BANP: variants seen among roughly 807,000 people sequenced by gnomAD.
The protein encoded by BANP is BTG3 associated nuclear protein, also known as protein BANP.
In BANP, 11 loss-of-function variants were observed where a neutral mutation model predicts 68.1. The observed-to-expected ratio is 0.16, with a 90% CI of 0.10 to 0.27. BANP has a LOEUF of 0.27. Among genes scored for constraint, BANP ranks in the 10% least tolerant of loss-of-function variants. The probability of loss-of-function intolerance (pLI) is 1.00; values close to 1 mark genes in which losing one functional copy is unlikely to be tolerated. For synonymous variants in BANP, 329 were observed against 303.2 expected (o/e 1.09, Z -0.88); for missense variants, 504 against 722.7 (o/e 0.70, Z 3.47).
chr16:87,957,992 C>T lies in BANP; in HGVS notation c.-69+6477C>T, dbSNP rs1444949024. 1.3e-5 allele frequency among the ~76,000 whole-genome samples: 2 copies of T among 152,144 alleles called. No homozygotes were observed. Among genetic ancestry groups the T allele is most frequent in the African/African-American group, 2.4e-5 (1 of 41,416 alleles). On this transcript the variant is annotated intron_variant, in intron 1 of 13. Coordinates refer to ENST00000682872, the MANE Select transcript of BANP (RefSeq NM_001386991.1). The surrounding 1 kb of genome is among the most constrained non-coding windows in gnomAD (Gnocchi z 4.3). ...GTCTGCGTTTTCTGCCGAAATGCGT[C>T]CCTGAGATTGAGAAAGTTCACACCC...
In BANP at chr16:88,018,147, T is replaced by C. The variant is rs1335702172; in HGVS notation, c.656-281T>C. ...GGTCCCGGGTCCAGGGTGAGCAGAG[T>C]GTGTGACCGTGTTGGCGCTCAGGTC... On this transcript the variant is annotated intron_variant, in intron 6 of 13. Coordinates refer to ENST00000682872, the MANE Select transcript of BANP (RefSeq NM_001386991.1). The surrounding 1 kb of genome is among the most constrained non-coding windows in gnomAD (Gnocchi z 7.7). Among the ~76,000 whole-genome samples, 2 of 151,170 alleles carry C rather than the reference T, an allele frequency of 1.3e-5. No homozygotes were observed. The highest frequency in any genetic ancestry group is 6.6e-5 in the Admixed American group (1 of 15,172).
At position 87,981,129 on chromosome 16, in the gene BANP, T is replaced by TA; in HGVS notation, c.162+7dup. 6.2e-7 allele frequency: 1 copy of TA among 1,612,226 alleles called. No homozygotes were observed. Among genetic ancestry groups the TA allele is most frequent in the East Asian group, 2.2e-5 (1 of 44,882 alleles). On this transcript the variant is annotated splice_region_variant and intron_variant, in intron 3 of 13. Coordinates refer to ENST00000682872, the MANE Select transcript of BANP (RefSeq NM_001386991.1). ...AATTGCCAGGATCCATCTATAAAGG[T>TA]AAAAATCTGACTCTGTTCTGTGGTG...
At chr16:88,025,546 C>T (rs2076827847) in intron 7 of BANP, among the ~76,000 whole-genome samples, 3 of 152,228 alleles carry the variant, frequency 2.0e-5, no homozygotes, top group Admixed American at 2.0e-4. Flanking sequence ...TCCCTCTCAT[C>T]CTACAAATCC....
chr16:87,957,921 G>T lies in BANP; in HGVS notation c.-69+6406G>T, dbSNP rs1018239210. Among the ~76,000 whole-genome samples, 2 of 152,146 alleles carry T rather than the reference G, an allele frequency of 1.3e-5. No individual in the cohort carries two copies. Among genetic ancestry groups the T allele is most frequent in the Admixed American group, 6.5e-5 (1 of 15,284 alleles). On this transcript the variant is annotated intron_variant, in intron 1 of 13. Coordinates refer to ENST00000682872, the MANE Select transcript of BANP (RefSeq NM_001386991.1). This position sits in a 1 kb window ranked among gnomAD's most constrained non-coding sequence, Gnocchi z 4.3. The stretch of plus-strand genomic sequence containing the variant: ...CTCAAGTGAGCTCAGCTCTTGTGTC[G>T]GTGGGAGCTGGCGGTGGGTCCCTGA...
chr16:87,968,281 C>T (rs951517087), intron 1 of BANP, among the ~76,000 whole-genome samples: 3 of 151,306 alleles, frequency 2.0e-5, no homozygotes, highest in African/African-American at 4.9e-5. Flanking sequence ...GCCGGGAGTT[C>T]GAGACCAGCC....
rs954459845 is a variant in BANP, at chr16:88,037,823, T to G, written c.1273-150T>G. The G allele has an allele frequency of 1.0e-5, 7 of 692,516 alleles. No homozygotes were observed. In the African/African-American group the frequency reaches 1.1e-4, roughly 11 times the overall value. The allele number at this position is 692,516 out of a possible 1,614,324, so 42.9% of individuals were successfully genotyped here. ...AATGTCAATATTTTGTTTTGGGGCT[T>G]TTGTTGCTACTGGAGGTTGAATTTT... On this transcript the variant is annotated intron_variant, in intron 10 of 13. Transcript: ENST00000682872.
chr16:88,014,997 C>G (rs2074133436), intron 6 of BANP, among the ~76,000 whole-genome samples: 1 of 150,486 alleles, frequency 6.6e-6, no homozygotes, highest in African/African-American at 2.4e-5. Context: ...GCTGCTTGCC[C>G]TCTCTGCCCG....
rs1767127794 is a variant in BANP at position 87,957,861 on chromosome 16, G to A, written c.-69+6346G>A. 6.6e-6 allele frequency among the ~76,000 whole-genome samples: 1 copy of A among 152,092 alleles called. No homozygotes were observed. The highest frequency in any genetic ancestry group is 2.1e-4 in the South Asian group (1 of 4,822). On this transcript the variant is annotated intron_variant, in intron 1 of 13. Coordinates refer to ENST00000682872, the MANE Select transcript of BANP (RefSeq NM_001386991.1). This position sits in a 1 kb window ranked among gnomAD's most constrained non-coding sequence, Gnocchi z 4.3. ...TGCTGCAAGCTCTGTGGGCGCTGGTGGCCAGGATGCGGACAACCCCTGCCG... is the reference window on the plus strand; with the variant it reads ...TGCTGCAAGCTCTGTGGGCGCTGGTAGCCAGGATGCGGACAACCCCTGCCG...
chr16:88,071,855 C>T lies in BANP; in HGVS notation c.1378-214C>T, dbSNP rs181595867. Reference sequence around the variant, plus strand: ...GGCGGAGTTGCAGATCCAGCAGAGACTCGATGGCACTCTCTCACTGGATCT... The same window carrying T: ...GGCGGAGTTGCAGATCCAGCAGAGATTCGATGGCACTCTCTCACTGGATCT... On this transcript the variant is annotated intron_variant, in intron 12 of 13. Transcript: ENST00000682872. This position sits in a 1 kb window ranked among gnomAD's most constrained non-coding sequence, Gnocchi z 6.5. The T allele has an allele frequency of 1.1e-5, 8 of 714,446 alleles. No homozygotes were observed. The highest frequency in any genetic ancestry group is 7.0e-5 in the African/African-American group (4 of 57,240). The allele number at this position is 714,446 out of a possible 1,614,324, so 44.3% of individuals were successfully genotyped here. A position where few individuals can be genotyped will look rare whatever the true frequency, so the allele number is the denominator to read the frequency against.
chr16:88,024,223 A>G (rs2072894185), intron 7 of BANP, among the ~76,000 whole-genome samples: 1 of 152,136 alleles, frequency 6.6e-6, no homozygotes, highest in South Asian at 2.1e-4. Flanking sequence ...CTCAGGATCC[A>G]GTGAGGGCCG....
In BANP at chr16:88,076,637, G is replaced by A. The variant is rs915911128; in HGVS notation, c.1569G>A (p.Glu523=). The change falls in exon 14 of 14, where the codon GAG becomes GAA. Residue 523 remains glutamate (E), a synonymous_variant. Transcript: ENST00000682872. ...CGCTACAGCCGGAGATGCAGCTCGA[G>A]CACGGGGCCATCCAGATTCAGTGAG... ...QPTLQPEMQL[E]HGAIQIQ is the part of the protein sequence containing the mutation. 4.3e-6 allele frequency: 7 copies of A among 1,610,414 alleles called. No individual in the cohort carries two copies. The African/African-American group carries it at 8.0e-5, about 18-fold the overall frequency.
intron 11 of BANP, among the ~76,000 whole-genome samples, chr16:88,062,894 G>T (rs1215240939): frequency 1.3e-5 from 2 of 152,218 alleles, no homozygotes; most frequent in Non-Finnish European, 2.9e-5. Flanking sequence ...ACCGGCAGCA[G>T]CATCAACTGC....
chr16:87,963,281 G>C (rs1053400975), intron 1 of BANP: 2 of 152,296 alleles, frequency 1.3e-5, no homozygotes, highest in African/African-American at 4.8e-5. Flanking sequence ...TGAGCTTATT[G>C]TTCTGGGCGT....
At chr16:88,053,287 A>G (rs528646670) in intron 11 of BANP, among the ~76,000 whole-genome samples, 1 of 150,900 alleles carries the variant, frequency 6.6e-6, no homozygotes, top group Admixed American at 6.6e-5. Flanking sequence ...CGTCACCAAC[A>G]CAGTCCCCTT....
intron 1 of BANP, among the ~76,000 whole-genome samples, chr16:87,958,875 T>C (rs1307400988): frequency 5.3e-5 from 8 of 152,170 alleles, no homozygotes; most frequent in Non-Finnish European, 4.4e-5. Context: ...AGCCCAGCAG[T>C]GTTTGCAGAG....
intron 13 of BANP, 146 bp downstream of exon 13, chr16:88,072,358 C>T (rs1213640912): frequency 1.0e-6 from 1 of 956,674 alleles, no homozygotes; most frequent in Non-Finnish European, 1.5e-6. Context: ...TCTGAGGGTT[C>T]TACGTCTCAC....
chr16:87,985,806 A>G (rs1434403697), intron 4 of BANP, among the ~76,000 whole-genome samples: 1 of 152,230 alleles, frequency 6.6e-6, no homozygotes, highest in Non-Finnish European at 1.5e-5. Flanking sequence ...ATAGAATATT[A>G]CAGAATGGTG....
chr16:88,045,339 C>T (rs1165759976), intron 11 of BANP, among the ~76,000 whole-genome samples: 2 of 152,362 alleles, frequency 1.3e-5, no homozygotes, highest in East Asian at 3.9e-4. Flanking sequence ...CCCTCTACGC[C>T]ATCCACAAGC....
chr16:88,074,447 T>G (rs2091159492), intron 13 of BANP, among the ~76,000 whole-genome samples: 1 of 151,992 alleles, frequency 6.6e-6, no homozygotes, highest in African/African-American at 2.4e-5. Context: ...GGGGTGCCAT[T>G]TGCAGGGGAA....
Sources: allele counts gnomAD v4.1 joint callset (sites outside exome capture counted in the v4.1 genomes callset), GRCh38; gene constraint gnomAD v4.1.1; non-coding constraint Gnocchi (gnomAD v3.1); transcripts MANE v1.5; gene names NCBI Gene and HGNC (gene_info 2026-07-23, HGNC 2026-07-21).